Variants in DIS3L2 observed in about 807,000 individuals in gnomAD.
DIS3L2 encodes the protein DIS3-like exonuclease 2.
Under a neutral mutation model 97.5 loss-of-function variants are expected in DIS3L2, and 34 were observed. The ratio of observed to expected loss-of-function variants is 0.35; its 90% CI spans 0.27 to 0.46. The LOEUF (loss-of-function observed/expected upper bound fraction) is 0.46, where lower values mean the gene tolerates loss of function less well. Among genes scored for constraint, DIS3L2 ranks in the 20% least tolerant of loss-of-function variants. DIS3L2 has a pLI of 1.00. For missense variants in DIS3L2, 1,038 were observed against 1,146.0 expected, an observed-to-expected ratio of 0.91 and a Z score of 1.36; for synonymous variants, 435 against 445.2, an observed-to-expected ratio of 0.98 and a Z score of 0.29.
chr2:232,279,554 A>G (rs1383261130), intron 13 of DIS3L2, among the ~76,000 whole-genome samples: 1 of 151,498 alleles, frequency 6.6e-6, no homozygotes, highest in East Asian at 1.9e-4. Context: ...TTTTTGAGAT[A>G]GTCTTGCACT....
rs901421288 is a variant in DIS3L2, at chr2:232,293,569, C to T, written c.1660-6471C>T. Among the ~76,000 whole-genome samples the T allele has an allele frequency of 6.6e-5, 10 of 152,156 alleles. No homozygotes were observed. Among genetic ancestry groups the T allele is most frequent in the African/African-American group, 7.2e-5 (3 of 41,424 alleles). On this transcript the variant is annotated intron_variant, in intron 13 of 20. Coordinates refer to ENST00000325385, the MANE Select transcript of DIS3L2 (RefSeq NM_152383.5). This position sits in a 1 kb window ranked among gnomAD's most constrained non-coding sequence, Gnocchi z 4.6. ...CTCTGAACCCCTCAGGGAAGTGGAC[C>T]GCGTCGGGGAGTGCATGGAGCTCTG... is the stretch of plus-strand genomic sequence containing the variant.
At chr2:232,247,987 A>G (rs1229771108) in intron 11 of DIS3L2, among the ~76,000 whole-genome samples, 1 of 152,228 alleles carries the variant, frequency 6.6e-6, no homozygotes, top group Non-Finnish European at 1.5e-5. Context: ...TCAGGTAGTC[A>G]TTAAGTTTCA....
At chr2:232,021,109 T>G (rs1312546772) in intron 3 of DIS3L2, among the ~76,000 whole-genome samples, 1 of 152,160 alleles carries the variant, frequency 6.6e-6, no homozygotes, top group African/African-American at 2.4e-5. Context: ...TTGTGTGGTG[T>G]TTTTCTATGG....
At chr2:232,114,827 A>G (rs965781307) in intron 6 of DIS3L2, among the ~76,000 whole-genome samples, 1 of 152,204 alleles carries the variant, frequency 6.6e-6, no homozygotes, top group Admixed American at 6.5e-5. Context: ...TCTCTTGGTT[A>G]TAACTGAATA....
chr2:232,106,975 G>A (rs1198335613), intron 6 of DIS3L2, among the ~76,000 whole-genome samples: 1 of 152,142 alleles, frequency 6.6e-6, no homozygotes, highest in Non-Finnish European at 1.5e-5. Flanking sequence ...GCAACCACAT[G>A]GAAATTAAAC....
At chr2:232,171,613 C>T (rs749001052) in intron 9 of DIS3L2, among the ~76,000 whole-genome samples, 15 of 152,116 alleles carry the variant, frequency 9.9e-5, no homozygotes, top group Non-Finnish European at 1.6e-4. Flanking sequence ...CCCCTTCTTC[C>T]CTTAGCTGGA....
intron 9 of DIS3L2, among the ~76,000 whole-genome samples, chr2:232,165,656 T>G (rs1274290658): frequency 1.3e-5 from 2 of 152,192 alleles, no homozygotes; most frequent in African/African-American, 2.4e-5. Flanking sequence ...CCCAAAATGC[T>G]GGGATTATAA....
At chr2:232,201,955 C>T (rs528250131) in intron 9 of DIS3L2, among the ~76,000 whole-genome samples, 1 of 152,302 alleles carries the variant, frequency 6.6e-6, no homozygotes, top group South Asian at 2.1e-4. Flanking sequence ...GAAAGTTTAA[C>T]ATTCTTCAAA....
At chr2:232,055,958 A>T (rs1267265144) in intron 5 of DIS3L2, among the ~76,000 whole-genome samples, 1 of 152,242 alleles carries the variant, frequency 6.6e-6, no homozygotes, top group Non-Finnish European at 1.5e-5. Flanking sequence ...CCATGCACAA[A>T]AATCAATTCT....
intron 9 of DIS3L2, among the ~76,000 whole-genome samples, chr2:232,209,465 A>G (rs560706070): frequency 1.3e-5 from 2 of 152,328 alleles, no homozygotes; most frequent in African/African-American, 4.8e-5. Context: ...AGACAGAGAA[A>G]TGGTGGCAGT....
intron 5 of DIS3L2, among the ~76,000 whole-genome samples, chr2:232,070,275 G>GA (rs930473496): frequency 5.3e-4 from 81 of 152,238 alleles, no homozygotes; most frequent in African/African-American, 1.8e-3. Flanking sequence ...TCAAAGAAAA[G>GA]AAAAGAAAAA....
Position 231,989,656 on chromosome 2 carries a change from A to T in DIS3L2, c.-93-25179A>T, listed in dbSNP as rs574652755. ...TGAGGCCAGCCTGGGCAACATAGTG[A>T]GACCTTGTCTCTACAAAAAAGTAGA... On this transcript the variant is annotated intron_variant, in intron 1 of 20. Transcript: ENST00000325385. Among the ~76,000 whole-genome samples the T allele has an allele frequency of 3.9e-5, 6 of 152,248 alleles. No homozygotes were observed. The East Asian group carries it at 1.2e-3, about 29-fold the overall frequency.
intron 8 of DIS3L2, among the ~76,000 whole-genome samples, chr2:232,147,250 C>A (rs922032038): frequency 5.7e-4 from 86 of 152,184 alleles, no homozygotes; most frequent in African/African-American, 2.0e-3. Flanking sequence ...GGATTACAGG[C>A]GTGAGCTAGC....
intron 8 of DIS3L2, among the ~76,000 whole-genome samples, chr2:232,161,546 C>A (rs1690651863): frequency 6.6e-6 from 1 of 152,216 alleles, no homozygotes; most frequent in African/African-American, 2.4e-5. Flanking sequence ...TCTTGGCTCG[C>A]TGCAACCTCC....
At chr2:232,211,512 C>G (rs1408715052) in intron 10 of DIS3L2, among the ~76,000 whole-genome samples, 1 of 152,202 alleles carries the variant, frequency 6.6e-6, no homozygotes, top group Non-Finnish European at 1.5e-5. Flanking sequence ...TTGCCCCTCT[C>G]TAGGGTGGCT....
intron 10 of DIS3L2, among the ~76,000 whole-genome samples, chr2:232,221,456 C>T (rs1157360004): frequency 6.6e-6 from 1 of 152,188 alleles, no homozygotes; most frequent in African/African-American, 2.4e-5. Context: ...AGGATAAAAT[C>T]TGCGCTTTGT....
At chr2:232,176,166 C>T (rs1245356138) in intron 9 of DIS3L2, among the ~76,000 whole-genome samples, 2 of 152,234 alleles carry the variant, frequency 1.3e-5, no homozygotes, top group Non-Finnish European at 2.9e-5. Context: ...GCTGGGATTA[C>T]AGGCGTGAGC....
intron 13 of DIS3L2, among the ~76,000 whole-genome samples, chr2:232,298,812 G>A (rs1694784821): frequency 6.6e-6 from 1 of 152,220 alleles, no homozygotes; most frequent in Non-Finnish European, 1.5e-5. Flanking sequence ...TGTTAAAGCT[G>A]TCATAACCAA....
At chr2:232,254,455 A>G (rs1214817088) in intron 12 of DIS3L2, among the ~76,000 whole-genome samples, 2 of 152,142 alleles carry the variant, frequency 1.3e-5, no homozygotes, top group East Asian at 1.9e-4. Flanking sequence ...TAGTAAAACT[A>G]TGAGTAATTT....
Sources: gnomAD v4.1 joint callset for allele counts (sites outside exome capture counted in the v4.1 genomes callset) on GRCh38, gnomAD v4.1.1 for gene constraint, Gnocchi (gnomAD v3.1) non-coding constraint, MANE v1.5 for transcripts, NCBI Gene and HGNC (gene_info 2026-07-23, HGNC 2026-07-21) for gene names.